MCF2L2: variants seen among roughly 807,000 people sequenced by gnomAD.
MCF2L2 encodes the protein MCF.2 cell line derived transforming sequence-like 2.
MCF2L2 carries 102 observed loss-of-function variants against 150.2 expected under a neutral mutation model. The ratio of observed to expected loss-of-function variants is 0.68; its 90% confidence interval spans 0.58 to 0.80. MCF2L2 has a LOEUF of 0.80. Among genes scored for constraint, MCF2L2 ranks in the 30% least tolerant of loss-of-function variants. The probability of loss-of-function intolerance (pLI) is 0.00; values close to 1 mark genes in which losing one functional copy is unlikely to be tolerated. For synonymous variants in MCF2L2, 465 were observed against 491.3 expected (o/e 0.95, Z 0.71); for missense variants, 1,256 against 1,372.8 (o/e 0.91, Z 1.34).
chr3:183,355,791 C>A (rs1711743898), intron 3 of MCF2L2, among the ~76,000 whole-genome samples: 1 of 151,946 alleles, frequency 6.6e-6, no homozygotes, highest in Admixed American at 6.6e-5. Context: ...CAAGTCCACA[C>A]CAGTCACCTG....
chr3:183,293,369 C>T (rs1048052406), intron 13 of MCF2L2, among the ~76,000 whole-genome samples: 2 of 152,210 alleles, frequency 1.3e-5, no homozygotes, highest in Non-Finnish European at 1.5e-5. Flanking sequence ...AAACAAATGA[C>T]ATGTACATCC....
At chr3:183,222,925 C>T (rs747232334) in intron 20 of MCF2L2, among the ~76,000 whole-genome samples, 8 of 152,170 alleles carry the variant, frequency 5.3e-5, no homozygotes, top group Non-Finnish European at 1.0e-4. Flanking sequence ...TGTTAGGCTG[C>T]TCTCAGGGTA....
At chr3:183,382,792 T>C (rs1470699692) in intron 2 of MCF2L2, among the ~76,000 whole-genome samples, 1 of 152,162 alleles carries the variant, frequency 6.6e-6, no homozygotes, top group East Asian at 1.9e-4. Flanking sequence ...CAGAAAACAT[T>C]AAGCGCTTGG....
At chr3:183,273,136 CTT>C (rs1160502995) in intron 15 of MCF2L2, 8 of 722,970 alleles carry the variant, frequency 1.1e-5, no homozygotes, top group Admixed American at 3.8e-5. Flanking sequence ...GTAGGGCTAT[CTT>C]TTTAAAAAAT....
intron 10 of MCF2L2, among the ~76,000 whole-genome samples, chr3:183,308,289 AT>A (rs1284554954): frequency 6.6e-6 from 1 of 151,902 alleles, no homozygotes; most frequent in African/African-American, 2.4e-5. Flanking sequence ...ATATGAAGGC[AT>A]TTTTTTTGAT....
At chr3:183,311,114 G>T (rs2108509485) in intron 8 of MCF2L2, 85 bp from the exon 9 acceptor site, 1 of 749,660 alleles carries the variant, frequency 1.3e-6, no homozygotes, top group East Asian at 2.6e-5. Flanking sequence ...GAACACCTGT[G>T]TCTTCGGTCA....
intron 15 of MCF2L2, among the ~76,000 whole-genome samples, chr3:183,246,598 A>G (rs1010907485): frequency 1.3e-5 from 2 of 152,122 alleles, no homozygotes; most frequent in Admixed American, 6.5e-5. Context: ...GTTGATGAAC[A>G]CCTGGGTTGT....
At chr3:183,397,156 C>T (rs748869395) in intron 1 of MCF2L2, among the ~76,000 whole-genome samples, 1 of 152,180 alleles carries the variant, frequency 6.6e-6, no homozygotes, top group African/African-American at 2.4e-5. Flanking sequence ...ACATGTTTAA[C>T]CACAAGTCTT....
Position 183,195,247 on chromosome 3 carries a change from T to A in MCF2L2, c.2893A>T (p.Asn965Tyr). 2 of 1,604,574 alleles carry A rather than the reference T, an allele frequency of 1.2e-6. No individual in the cohort carries two copies. The highest frequency in any genetic ancestry group is 1.7e-6 in the Non-Finnish European group (2 of 1,177,404). ...CTCGTGCTCATTTCAAACTGTGGATTTCCTTGGTCTAAAATTTTAAAAAAC... is the reference window on the plus strand; with the variant it reads ...CTCGTGCTCATTTCAAACTGTGGATATCCTTGGTCTAAAATTTTAAAAAAC... ...EQQNNIKDQG[N>Y]PQFEMSTSKG... The change falls in exon 26 of 30, where the codon AAT becomes TAT. Residue 965 changes from asparagine to tyrosine, a missense_variant. Physicochemically the swap from Asn to Tyr is moderately radical, Grantham distance 143. Coordinates refer to ENST00000328913, the MANE Select transcript of MCF2L2 (RefSeq NM_015078.4).
At chr3:183,297,628 T>TTTCCTTCCTTTCTCCCTTCCTTCC (rs1728589727) in intron 11 of MCF2L2, 4 of 93,298 alleles carry the variant, frequency 4.3e-5, no homozygotes, top group Non-Finnish European at 8.3e-5. Flanking sequence ...CAGGCTAATT[T>TTTCCTTCCTTTCTCCCTTCCTTCC]TTCCTTCCTT....
chr3:183,345,767 T>A (rs1730873789), intron 3 of MCF2L2, among the ~76,000 whole-genome samples: 1 of 152,134 alleles, frequency 6.6e-6, no homozygotes, highest in South Asian at 2.1e-4. Flanking sequence ...AAAAACAAAC[T>A]ACCATCAGAG....
intron 14 of MCF2L2, among the ~76,000 whole-genome samples, 187 bp downstream of exon 14, chr3:183,288,933 C>T (rs1444823296): frequency 2.6e-5 from 4 of 151,842 alleles, no homozygotes; most frequent in African/African-American, 9.7e-5. Context: ...TTCTAGCTGC[C>T]GTTAAGAAGA....
intron 12 of MCF2L2, 62 bp downstream of exon 12, chr3:183,296,914 A>G (rs1728537088): frequency 6.5e-7 from 1 of 1,532,470 alleles, no homozygotes; most frequent in Non-Finnish European, 8.9e-7. Flanking sequence ...GGAAGAAGGT[A>G]CAGTCCCTCC....
rs566227300 is a variant in MCF2L2 at position 183,424,914 on chromosome 3, G to A, written c.76+2988C>T. Among the ~76,000 whole-genome samples the A allele has an allele frequency of 2.7e-3, 410 of 152,312 alleles. 5 individuals carry two copies. Among genetic ancestry groups the A allele is most frequent in the African/African-American group, 9.2e-3 (383 of 41,578 alleles). On this transcript the variant is annotated intron_variant, in intron 1 of 29. Coordinates refer to ENST00000328913, the MANE Select transcript of MCF2L2 (RefSeq NM_015078.4). ...GAAGAGTTCAAGTTGTCCAACCATA[G>A]GTGTAGAAATCTCAACTATTAGGGG... is the stretch of plus-strand genomic sequence containing the variant.
intron 3 of MCF2L2, 68 bp from the exon 4 acceptor site, chr3:183,341,698 A>T: frequency 9.1e-7 from 1 of 1,094,270 alleles, no homozygotes; most frequent in East Asian, 2.4e-5. Context: ...CTCCCACAGC[A>T]GAATACACCC....
At chr3:183,425,584 G>A (rs1716119119) in intron 1 of MCF2L2, among the ~76,000 whole-genome samples, 1 of 152,156 alleles carries the variant, frequency 6.6e-6, no homozygotes, top group Non-Finnish European at 1.5e-5. Flanking sequence ...CTGTTGCAGG[G>A]TTAGAGAAAC....
chr3:183,369,051 T>C (rs975821213), intron 3 of MCF2L2, among the ~76,000 whole-genome samples: 3 of 152,162 alleles, frequency 2.0e-5, no homozygotes, highest in Admixed American at 6.6e-5. Flanking sequence ...CACAATAGAA[T>C]AGTAAATAAT....
At chr3:183,359,912 T>G (rs995096813) in intron 3 of MCF2L2, among the ~76,000 whole-genome samples, 1 of 152,224 alleles carries the variant, frequency 6.6e-6, no homozygotes, top group African/African-American at 2.4e-5. Flanking sequence ...TTCTTACATG[T>G]GCAAAAGATG....
intron 3 of MCF2L2, among the ~76,000 whole-genome samples, chr3:183,352,910 G>C (rs1348655822): frequency 6.6e-6 from 1 of 152,038 alleles, no homozygotes; most frequent in Non-Finnish European, 1.5e-5. Flanking sequence ...AATATTTGTA[G>C]GCAAAATCTA....
Sources: allele counts gnomAD v4.1 joint callset (sites outside exome capture counted in the v4.1 genomes callset), GRCh38; gene constraint gnomAD v4.1.1; transcripts MANE v1.5; gene names NCBI Gene and HGNC (gene_info 2026-07-23, HGNC 2026-07-21).